Variants in ADGRB3 observed in about 807,000 individuals in gnomAD.
ADGRB3 encodes brain-specific angiogenesis inhibitor 3.
Under a neutral mutation model 193.4 loss-of-function variants are expected in ADGRB3, and 37 were observed. That is an observed-to-expected ratio of 0.19 (90% CI 0.15 to 0.25). ADGRB3 has a LOEUF of 0.25. ADGRB3 is among the 10% of genes least tolerant of loss of function. The pLI is 1.00. For missense variants in ADGRB3, 1,637 were observed against 1,852.9 expected, an observed-to-expected ratio of 0.88 and a Z score of 2.14; for synonymous variants, 690 against 644.2, an observed-to-expected ratio of 1.07 and a Z score of -1.08.
intron 3 of ADGRB3, among the ~76,000 whole-genome samples, chr6:68,732,004 G>A (rs1340851594): frequency 6.6e-6 from 1 of 151,566 alleles, no homozygotes; most frequent in Non-Finnish European, 1.5e-5. Context: ...GTACCTGCAT[G>A]AGTATATTTA....
At chr6:68,663,457 T>TA (rs1326509522) in intron 3 of ADGRB3, among the ~76,000 whole-genome samples, 1 of 151,708 alleles carries the variant, frequency 6.6e-6, no homozygotes, top group Non-Finnish European at 1.5e-5. Context: ...ATTAATAGGA[T>TA]AAAAATATAC....
intron 3 of ADGRB3, among the ~76,000 whole-genome samples, chr6:68,858,067 A>G (rs535347454): frequency 6.6e-6 from 1 of 152,226 alleles, no homozygotes; most frequent in East Asian, 1.9e-4. Context: ...TCCATGTTGA[A>G]CTGTGAGTTC....
intron 8 of ADGRB3, among the ~76,000 whole-genome samples, chr6:68,974,129 G>A (rs926951210): frequency 6.6e-6 from 1 of 151,618 alleles, no homozygotes; most frequent in African/African-American, 2.4e-5. Flanking sequence ...CTTTTTGTTT[G>A]TTGGAAGTCA....
At position 69,229,921 on chromosome 6, in the gene ADGRB3, C is replaced by T. The variant is rs118128639; in HGVS notation, c.2481-3369C>T. ...GACTTTGTGTCTTATATTTTCACAT[C>T]ATTCTGTGTTTTTGAATATGTACTT... On this transcript the variant is annotated intron_variant, in intron 17 of 31. Transcript: ENST00000370598. Among the ~76,000 whole-genome samples, 63 of 152,236 alleles carry T rather than the reference C, an allele frequency of 4.1e-4. No homozygotes were observed. The East Asian group carries it at 0.012, about 28-fold the overall frequency.
chr6:69,353,408 A>G (rs1769268530), intron 26 of ADGRB3, among the ~76,000 whole-genome samples: 4 of 152,224 alleles, frequency 2.6e-5, no homozygotes, highest in Non-Finnish European at 5.9e-5. Flanking sequence ...GTTTTAAATC[A>G]GGGCACATAG....
chr6:68,853,685 A>G (rs1315199126), intron 3 of ADGRB3, among the ~76,000 whole-genome samples: 1 of 152,114 alleles, frequency 6.6e-6, no homozygotes, highest in Non-Finnish European at 1.5e-5. Flanking sequence ...TTTGAAATCT[A>G]TCTGTTTAAA....
At chr6:68,750,302 G>A (rs750052158) in intron 3 of ADGRB3, among the ~76,000 whole-genome samples, 1 of 152,110 alleles carries the variant, frequency 6.6e-6, no homozygotes, top group Non-Finnish European at 1.5e-5. Flanking sequence ...AACTGGGAAT[G>A]TTTCAGCATA....
At chr6:69,173,301 G>A (rs763261563) in intron 17 of ADGRB3, among the ~76,000 whole-genome samples, 2 of 152,258 alleles carry the variant, frequency 1.3e-5, no homozygotes, top group Non-Finnish European at 2.9e-5. Flanking sequence ...GCCTCCCAAA[G>A]TCCTGGTATT....
chr6:69,159,194 T>G (rs1207285804), intron 17 of ADGRB3, among the ~76,000 whole-genome samples: 9 of 152,040 alleles, frequency 5.9e-5, no homozygotes, highest in Admixed American at 4.6e-4. Flanking sequence ...GAAATTCTTT[T>G]CACACTCCTC....
intron 10 of ADGRB3, among the ~76,000 whole-genome samples, chr6:68,979,523 C>A (rs1234379704): frequency 1.3e-5 from 2 of 151,410 alleles, no homozygotes; most frequent in Non-Finnish European, 3.0e-5. Flanking sequence ...ATACACTTAT[C>A]CAATTAAATA....
At chr6:69,035,656 G>A (rs1770847198) in intron 13 of ADGRB3, among the ~76,000 whole-genome samples, 1 of 152,140 alleles carries the variant, frequency 6.6e-6, no homozygotes, top group Admixed American at 6.6e-5. Flanking sequence ...TGACTGCATT[G>A]TGGAGAATGA....
chr6:68,663,298 C>G (rs1445326985), intron 3 of ADGRB3, among the ~76,000 whole-genome samples: 1 of 151,378 alleles, frequency 6.6e-6, no homozygotes, highest in East Asian at 1.9e-4. Context: ...GGAAGTGCTT[C>G]CTGATTTTTG....
chr6:68,643,946 A>AT (rs1371743415), intron 3 of ADGRB3, among the ~76,000 whole-genome samples: 1 of 151,756 alleles, frequency 6.6e-6, no homozygotes, highest in East Asian at 1.9e-4. Flanking sequence ...AAAAAAAAAA[A>AT]TTCCATCTAA....
rs750551941 is a variant in ADGRB3 at position 69,337,648 on chromosome 6, C to T, written c.3189-1268C>T. On this transcript the variant is annotated intron_variant, in intron 24 of 31. Coordinates refer to ENST00000370598, the MANE Select transcript of ADGRB3 (RefSeq NM_001704.3). Reference sequence around the variant, plus strand: ...TGTGCCCTGGAGTGGATCAGTAAAGCGAGGGATTTAGTGTCATATTCCCCA... The same window carrying T: ...TGTGCCCTGGAGTGGATCAGTAAAGTGAGGGATTTAGTGTCATATTCCCCA... 3.9e-5 allele frequency among the ~76,000 whole-genome samples: 6 copies of T among 152,202 alleles called. No individual in the cohort carries two copies. In the South Asian group the frequency reaches 6.2e-4, roughly 16 times the overall value.
rs146460090 is a variant in ADGRB3, at chr6:68,644,528, C to T, written c.757+5096C>T. Among the ~76,000 whole-genome samples, 294 of 152,196 alleles carry T rather than the reference C, an allele frequency of 1.9e-3. 3 individuals carry two copies. The highest frequency in any genetic ancestry group is 6.8e-3 in the African/African-American group (283 of 41,538). ...AATGACATTTTGCAAATCCTCTCCTCCACACTTTGAAGATAAACATAAGCT... is the reference window on the plus strand; with the variant it reads ...AATGACATTTTGCAAATCCTCTCCTTCACACTTTGAAGATAAACATAAGCT... On this transcript the variant is annotated intron_variant, in intron 3 of 31. Coordinates refer to ENST00000370598, the MANE Select transcript of ADGRB3 (RefSeq NM_001704.3).
intron 10 of ADGRB3, among the ~76,000 whole-genome samples, chr6:68,981,205 T>C (rs1424230848): frequency 6.6e-6 from 1 of 151,608 alleles, no homozygotes; most frequent in Admixed American, 6.6e-5. Flanking sequence ...AGTTAGAGTA[T>C]TGCTCTCTCT....
At chr6:69,348,957 A>G (rs1302270032) in intron 26 of ADGRB3, among the ~76,000 whole-genome samples, 1 of 152,218 alleles carries the variant, frequency 6.6e-6, no homozygotes, top group Non-Finnish European at 1.5e-5. Flanking sequence ...TTTGTTCAGT[A>G]AGACAATAGA....
At chr6:68,698,863 G>A (rs1405959412) in intron 3 of ADGRB3, among the ~76,000 whole-genome samples, 1 of 151,974 alleles carries the variant, frequency 6.6e-6, no homozygotes, top group Non-Finnish European at 1.5e-5. Context: ...GATCAAATAT[G>A]CTATCTTAGA....
At chr6:69,279,103 A>ATC (rs1554188551) in intron 20 of ADGRB3, among the ~76,000 whole-genome samples, 1 of 134,776 alleles carries the variant, frequency 7.4e-6, no homozygotes, top group Admixed American at 7.4e-5. Flanking sequence ...ATATATATAT[A>ATC]TATATATATA....
Sources: allele counts gnomAD v4.1 joint callset (sites outside exome capture counted in the v4.1 genomes callset), GRCh38; gene constraint gnomAD v4.1.1; transcripts MANE v1.5; gene names NCBI Gene and HGNC (gene_info 2026-07-23, HGNC 2026-07-21).